The following SORCS2 variants were observed in gnomAD, a reference collection of about 807,000 sequenced individuals.
SORCS2 encodes VPS10 domain-containing receptor SorCS2.
In SORCS2, 100 loss-of-function variants were observed where a neutral mutation model predicts 141.6. The ratio of observed to expected loss-of-function variants is 0.71; its 90% CI spans 0.60 to 0.83. SORCS2 has a LOEUF of 0.83. Among genes scored for constraint, SORCS2 ranks in the 40% least tolerant of loss-of-function variants. SORCS2 has a pLI of 0.00. For synonymous variants in SORCS2, 789 were observed against 676.9 expected, an observed-to-expected ratio of 1.17 and a Z score of -2.57; for missense variants, 1,646 against 1,560.2, an observed-to-expected ratio of 1.05 and a Z score of -0.93.
intron 2 of SORCS2, among the ~76,000 whole-genome samples, chr4:7,471,398 A>C (rs1401651250): frequency 6.6e-6 from 1 of 152,228 alleles, no homozygotes; most frequent in African/African-American, 2.4e-5. Context: ...GTCTCCATTT[A>C]TAAATTCATA....
intron 11 of SORCS2, among the ~76,000 whole-genome samples, chr4:7,694,909 G>A (rs569589928): frequency 3.3e-5 from 5 of 152,086 alleles, no homozygotes; most frequent in South Asian, 2.1e-4. Flanking sequence ...GGCTCCACTC[G>A]GAGGCTCTTT....
intron 1 of SORCS2, among the ~76,000 whole-genome samples, chr4:7,384,744 A>T (rs1723189965): frequency 6.6e-6 from 1 of 152,156 alleles, no homozygotes; most frequent in Non-Finnish European, 1.5e-5. Flanking sequence ...CTGCACGGCC[A>T]ACTCCCTGCA....
chr4:7,714,163 C>A (rs1560504593), intron 15 of SORCS2, 77 bp from the exon 16 acceptor site: 3 of 1,516,798 alleles, frequency 2.0e-6, no homozygotes, highest in Non-Finnish European at 2.7e-6. Context: ...CAGGCTCTGG[C>A]AGCCTCAGCG....
intron 2 of SORCS2, among the ~76,000 whole-genome samples, chr4:7,402,195 T>C (rs896541258): frequency 6.6e-6 from 1 of 152,184 alleles, no homozygotes; most frequent in African/African-American, 2.4e-5. Flanking sequence ...TTTCCATATA[T>C]GTTTGGAATT....
intron 3 of SORCS2, among the ~76,000 whole-genome samples, chr4:7,624,554 G>A (rs1245038220): frequency 2.6e-5 from 4 of 152,182 alleles, no homozygotes; most frequent in Non-Finnish European, 4.4e-5. Context: ...ATTTCCGAAA[G>A]CTGTCATCTT....
At chr4:7,695,872 GTGGGTGGA>G (rs1347061085) in intron 11 of SORCS2, among the ~76,000 whole-genome samples, 4 of 59,870 alleles carry the variant, frequency 6.7e-5, no homozygotes, top group Admixed American at 1.7e-4. Context: ...GGATGGGTGG[GTGGGTGGA>G]TGGATGGATG....
intron 8 of SORCS2, among the ~76,000 whole-genome samples, 156 bp from the exon 9 acceptor site, chr4:7,675,894 C>A (rs921644854): frequency 2.0e-5 from 3 of 152,180 alleles, no homozygotes; most frequent in Admixed American, 2.0e-4. Flanking sequence ...GGCCACAGAG[C>A]CCAGAGCAGC....
chr4:7,505,141 C>T (rs973068104), intron 2 of SORCS2, among the ~76,000 whole-genome samples: 1 of 152,182 alleles, frequency 6.6e-6, no homozygotes, highest in Non-Finnish European at 1.5e-5. Flanking sequence ...ATCATGGAGC[C>T]CTCCAGGGCG....
intron 1 of SORCS2, among the ~76,000 whole-genome samples, chr4:7,377,236 A>G (rs747210618): frequency 6.6e-6 from 1 of 152,124 alleles, no homozygotes; most frequent in Non-Finnish European, 1.5e-5. Context: ...TTATGGAACC[A>G]TTCCCCAGTA....
chr4:7,338,923 T>C lies in SORCS2; in HGVS notation c.481-57365T>C, dbSNP rs530190852. Among the ~76,000 whole-genome samples, 8 of 152,270 alleles carry C rather than the reference T, an allele frequency of 5.3e-5. No homozygotes were observed. The East Asian group carries it at 1.4e-3, about 26-fold the overall frequency. ...TGGTCGTGCTGGGGCCGTGAAGCCA[T>C]ACCCGCACCAGGGAGCTGTTGGTCT... On this transcript the variant is annotated intron_variant, in intron 1 of 26. Coordinates refer to ENST00000507866, the MANE Select transcript of SORCS2 (RefSeq NM_020777.3).
At chr4:7,334,917 G>A (rs553782194) in intron 1 of SORCS2, among the ~76,000 whole-genome samples, 1 of 152,252 alleles carries the variant, frequency 6.6e-6, no homozygotes, top group East Asian at 1.9e-4. Context: ...TCTTCTGGGA[G>A]CGGAGGGAAG....
chr4:7,582,461 A>T (rs1037240410), intron 3 of SORCS2, among the ~76,000 whole-genome samples: 2 of 152,196 alleles, frequency 1.3e-5, no homozygotes, highest in Non-Finnish European at 2.9e-5. Flanking sequence ...TAAAGGATAA[A>T]ACAGGGTGCG....
chr4:7,633,386 C>A (rs1375129514), intron 3 of SORCS2, among the ~76,000 whole-genome samples: 1 of 152,164 alleles, frequency 6.6e-6, no homozygotes, highest in Non-Finnish European at 1.5e-5. Context: ...GAAGCCCCGT[C>A]CCCCAGGTCT....
At chr4:7,578,249 C>T (rs1378629679) in intron 3 of SORCS2, among the ~76,000 whole-genome samples, 1 of 152,192 alleles carries the variant, frequency 6.6e-6, no homozygotes, top group African/African-American at 2.4e-5. Flanking sequence ...AGACCCTTAC[C>T]AGATGGGCTG....
intron 1 of SORCS2, among the ~76,000 whole-genome samples, chr4:7,348,005 C>T (rs1577428448): frequency 1.3e-5 from 2 of 152,348 alleles, no homozygotes; most frequent in South Asian, 2.1e-4. Flanking sequence ...TGAACAGGCA[C>T]AGGCAACCAC....
intron 2 of SORCS2, chr4:7,434,486 G>A (rs780152186): frequency 9.9e-6 from 16 of 1,611,842 alleles, no homozygotes; most frequent in Non-Finnish European, 1.3e-5. Flanking sequence ...GTGCACACCT[G>A]TGCCGGGGCA....
At chr4:7,207,359 C>T (rs778452616) in intron 1 of SORCS2, among the ~76,000 whole-genome samples, 22 of 152,324 alleles carry the variant, frequency 1.4e-4, no homozygotes, top group Admixed American at 5.2e-4. Flanking sequence ...CAGCCTGGGC[C>T]GGGAGCCGAC....
intron 2 of SORCS2, among the ~76,000 whole-genome samples, chr4:7,398,603 T>C (rs1477879595): frequency 1.3e-5 from 2 of 152,194 alleles, no homozygotes; most frequent in African/African-American, 4.8e-5. Context: ...AGCAATTACT[T>C]TCTTTGTTTA....
At chr4:7,339,707 G>A (rs920692714) in intron 1 of SORCS2, among the ~76,000 whole-genome samples, 7 of 152,214 alleles carry the variant, frequency 4.6e-5, no homozygotes, top group East Asian at 1.9e-4. Context: ...GGGCACATTC[G>A]TAGGTCCTGG....
Sources: allele counts gnomAD v4.1 joint callset (sites outside exome capture counted in the v4.1 genomes callset), GRCh38; gene constraint gnomAD v4.1.1; transcripts MANE v1.5; gene names NCBI Gene and HGNC (gene_info 2026-07-23, HGNC 2026-07-21).